MOCS2: variants seen among roughly 807,000 people sequenced by gnomAD.
MOCS2 encodes molybdenum cofactor synthesis 2, also known as molybdopterin synthase catalytic subunit.
MOCS2 carries 13 observed loss-of-function variants against 21.9 expected under a neutral mutation model. The observed-to-expected ratio is 0.59, with a 90% confidence interval of 0.39 to 0.94. The LOEUF (loss-of-function observed/expected upper bound fraction) is 0.94, where lower values mean the gene tolerates loss of function less well. Among genes scored for constraint, MOCS2 ranks in the 40% least tolerant of loss-of-function variants. MOCS2 has a pLI of 0.00. For missense variants in MOCS2, 227 were observed against 218.3 expected (o/e 1.04, Z -0.25); for synonymous variants, 92 against 80.8 (o/e 1.14, Z -0.74).
chr5:53,109,260 C>T lies in MOCS2; in HGVS notation c.-179G>A. 1.0e-6 allele frequency: 1 copy of T among 997,046 alleles called. No individual in the cohort carries two copies. The highest frequency in any genetic ancestry group is 1.2e-6 in the Non-Finnish European group (1 of 837,888). The allele number at this position is 997,046 out of a possible 1,614,324, so 61.8% of individuals were successfully genotyped here. On this transcript the variant is annotated 5_prime_UTR_variant, in exon 1 of 7. Coordinates refer to ENST00000396954, the MANE Select transcript of MOCS2 (RefSeq NM_004531.5). ...GAAGTAAAATAGGCACCTGTCACTC[C>T]GTGCAAACAACTCTTTACGAAATAA...
At position 53,096,054 on chromosome 5, in the gene MOCS2, CTAAG is replaced by C. The variant is rs1477385864; in HGVS notation, c.*2544_*2547del. On this transcript the variant is annotated 3_prime_UTR_variant, in exon 7 of 7. Transcript: ENST00000396954. Reference sequence around the variant, plus strand: ...CTTTTGGTTCTATGCAAAATTAAATCTAAGTAAGACTCAAGTTGCTAAGAGCAAC... The same window carrying C: ...CTTTTGGTTCTATGCAAAATTAAATCTAAGACTCAAGTTGCTAAGAGCAAC... 6.6e-6 allele frequency: 1 copy of C among 152,284 alleles called. No individual in the cohort carries two copies. Among genetic ancestry groups the C allele is most frequent in the Middle Eastern group, 3.4e-3 (1 of 294 alleles). 9.4% of individuals were successfully genotyped at this position (152,284 alleles called of 1,614,324 possible).
intron 6 of MOCS2, among the ~76,000 whole-genome samples, chr5:53,099,895 A>T (rs942122142): frequency 2.6e-5 from 4 of 152,162 alleles, no homozygotes; most frequent in Non-Finnish European, 5.9e-5. Flanking sequence ...TGCTCTATTT[A>T]ACCAGAGAAT....
chr5:53,108,565 T>G lies in MOCS2; in HGVS notation c.-91A>C, dbSNP rs766571688. 2.5e-6 allele frequency: 4 copies of G among 1,613,778 alleles called. No individual in the cohort carries two copies. Among genetic ancestry groups the G allele is most frequent in the Non-Finnish European group, 2.5e-6 (3 of 1,179,770 alleles). ...ATCTCCTTCCACAGCTGCAACGCTT[T>G]TATTTCTTGAGGCACAGAAATGGTC... is the stretch of plus-strand genomic sequence containing the variant. On this transcript the variant is annotated 5_prime_UTR_variant, in exon 2 of 7. Coordinates refer to ENST00000396954, the MANE Select transcript of MOCS2 (RefSeq NM_004531.5).
chr5:53,106,572 G>A (rs529522716), intron 3 of MOCS2, among the ~76,000 whole-genome samples: 1 of 152,242 alleles, frequency 6.6e-6, no homozygotes, highest in South Asian at 2.1e-4. Flanking sequence ...GGAGGAGGGA[G>A]AAGATTGAAA....
chr5:53,109,700 C>A lies in MOCS2; in HGVS notation c.-619G>T, dbSNP rs757915083. ...CCGCACCCAGGCCCGCACGCACACC[C>A]GCCACCCTTACCTGGCACAGCGGCA... On this transcript the variant is annotated 5_prime_UTR_variant, in exon 1 of 7. Coordinates refer to ENST00000396954, the MANE Select transcript of MOCS2 (RefSeq NM_004531.5). 4.5e-6 allele frequency: 7 copies of A among 1,553,306 alleles called. No individual in the cohort carries two copies. The South Asian group carries it at 8.3e-5, about 18-fold the overall frequency.
At position 53,098,456 on chromosome 5, in the gene MOCS2, T is replaced by G. The variant is rs1445877953; in HGVS notation, c.*146A>C. Reference sequence around the variant, plus strand: ...CCTTCATCCTACATACCCATTTATCTTGCTTCCTTTTTCTCCCTTTTGTCC... The same window carrying G: ...CCTTCATCCTACATACCCATTTATCGTGCTTCCTTTTTCTCCCTTTTGTCC... On this transcript the variant is annotated 3_prime_UTR_variant, in exon 7 of 7. Transcript: ENST00000396954. 36 of 719,260 alleles carry G rather than the reference T, an allele frequency of 5.0e-5. No homozygotes were observed. In the South Asian group the frequency reaches 5.4e-4, roughly 11 times the overall value. 44.6% of individuals were successfully genotyped at this position (719,260 alleles called of 1,614,324 possible).
Position 53,107,210 on chromosome 5 carries a change from A to G in MOCS2, c.-36T>C, listed in dbSNP as rs2233210. On this transcript the variant is annotated 5_prime_UTR_variant, in exon 3 of 7. Coordinates refer to ENST00000396954, the MANE Select transcript of MOCS2 (RefSeq NM_004531.5). ...AACAGCAAATATTATCTGATTTCTAACATCAGCCAATCTAAAGGGGAAAAA... is the reference window on the plus strand; with the variant it reads ...AACAGCAAATATTATCTGATTTCTAGCATCAGCCAATCTAAAGGGGAAAAA... 133 of 1,613,482 alleles carry G rather than the reference A, an allele frequency of 8.2e-5. 2 individuals are homozygous for G. The East Asian group carries it at 2.9e-3, about 35-fold the overall frequency.
chr5:53,108,886 T>C (rs1741124671), intron 1 of MOCS2, among the ~76,000 whole-genome samples: 1 of 152,224 alleles, frequency 6.6e-6, no homozygotes, highest in Admixed American at 6.5e-5. Flanking sequence ...AAGTGTGCCA[T>C]CATTAAAATC....
intron 6 of MOCS2, among the ~76,000 whole-genome samples, chr5:53,099,119 A>G (rs1740836681): frequency 6.6e-6 from 1 of 152,186 alleles, no homozygotes; most frequent in Non-Finnish European, 1.5e-5. Flanking sequence ...AGGAGGGGTA[A>G]GGAGAACATA....
Position 53,109,738 on chromosome 5 carries a change from G to C in MOCS2, c.-657C>G, listed in dbSNP as rs773335153. ...TGGCACAGCGGCACCATCCCGCCTA[G>C]GACAGCGGGACCGAATCACGGCCGC... On this transcript the variant is annotated 5_prime_UTR_variant, in exon 1 of 7. Coordinates refer to ENST00000396954, the MANE Select transcript of MOCS2 (RefSeq NM_004531.5). The C allele has an allele frequency of 1.9e-5, 29 of 1,549,712 alleles. No homozygotes were observed. Among genetic ancestry groups the C allele is most frequent in the Non-Finnish European group, 2.3e-5 (26 of 1,146,798 alleles).
chr5:53,102,764 T>G (rs1003809134), intron 3 of MOCS2, among the ~76,000 whole-genome samples: 3 of 151,968 alleles, frequency 2.0e-5, no homozygotes, highest in Non-Finnish European at 4.4e-5. Context: ...CTGGCCAACA[T>G]GGTGAAACCC....
chr5:53,107,452 C>A (rs974601354), intron 2 of MOCS2: 10 of 506,976 alleles, frequency 2.0e-5, no homozygotes, highest in African/African-American at 1.5e-4. Flanking sequence ...TGTTGTATGC[C>A]TTGGGGAATT....
At position 53,109,257 on chromosome 5, in the gene MOCS2, C is replaced by G. The variant is rs1741136583; in HGVS notation, c.-176G>C. On this transcript the variant is annotated 5_prime_UTR_variant, in exon 1 of 7. Transcript: ENST00000396954. ...GACGAAGTAAAATAGGCACCTGTCA[C>G]TCCGTGCAAACAACTCTTTACGAAA... 25 of 996,746 alleles carry G rather than the reference C, an allele frequency of 2.5e-5. No individual in the cohort carries two copies. Among genetic ancestry groups the G allele is most frequent in the Non-Finnish European group, 2.9e-5 (24 of 837,706 alleles). 61.7% of individuals were successfully genotyped at this position (996,746 alleles called of 1,614,324 possible).
Position 53,109,618 on chromosome 5 carries a change from C to A in MOCS2, c.-537G>T. On this transcript the variant is annotated 5_prime_UTR_variant, in exon 1 of 7. Transcript: ENST00000396954. ...GTTGGGGGCTAGTGGGGAGGTCCGA[C>A]TGACCAAGGCTGGGTATGTGGAGGG... The A allele has an allele frequency of 6.6e-7, 1 of 1,518,734 alleles. No individual in the cohort carries two copies. The allele number at this position is 1,518,734 out of a possible 1,614,324, so 94.1% of individuals were successfully genotyped here.
chr5:53,098,684 T>C lies in MOCS2; in HGVS notation c.502-17A>G, dbSNP rs758435939. 1 of 1,565,134 alleles carries C rather than the reference T, an allele frequency of 6.4e-7. No individual in the cohort carries two copies. Among genetic ancestry groups the C allele is most frequent in the East Asian group, 2.2e-5 (1 of 44,534 alleles). On this transcript the variant is annotated splice_polypyrimidine_tract_variant and intron_variant, in intron 6 of 6. Transcript: ENST00000396954. ...GTATATTTCCTAAAAAACAAAATCA[T>C]AACAGGTATTAAAAATAGACCATTC...
In MOCS2 at chr5:53,109,498, C is replaced by T; in HGVS notation, c.-417G>A. 1.5e-6 allele frequency: 2 copies of T among 1,339,956 alleles called. No individual in the cohort carries two copies. Among genetic ancestry groups the T allele is most frequent in the Non-Finnish European group, 1.9e-6 (2 of 1,049,446 alleles). The allele number at this position is 1,339,956 out of a possible 1,614,324, so 83.0% of individuals were successfully genotyped here. On this transcript the variant is annotated 5_prime_UTR_variant, in exon 1 of 7. Transcript: ENST00000396954. ...AGCTGACAAGAGTTCTCGGAGAGGA[C>T]CCGACTTCTGCTGGGGCAGTCGCAG...
rs1741142191 is a variant in MOCS2, at chr5:53,109,418, A to C, written c.-337T>G. ...CATCAAAACGAATAATCTGGGAAAG[A>C]GGTGGTCATAAAAGGTGGAGGCGCC... On this transcript the variant is annotated 5_prime_UTR_variant, in exon 1 of 7. Coordinates refer to ENST00000396954, the MANE Select transcript of MOCS2 (RefSeq NM_004531.5). 36 of 1,245,056 alleles carry C rather than the reference A, an allele frequency of 2.9e-5. No individual in the cohort carries two copies. The highest frequency in any genetic ancestry group is 3.9e-5 in the Admixed American group (1 of 25,440). 77.1% of individuals were successfully genotyped at this position (1,245,056 alleles called of 1,614,324 possible).
rs1327159322 is a variant in MOCS2, at chr5:53,109,452, G to C, written c.-371C>G. 1.6e-6 allele frequency: 2 copies of C among 1,273,806 alleles called. No individual in the cohort carries two copies. Among genetic ancestry groups the C allele is most frequent in the South Asian group, 2.9e-5 (1 of 34,474 alleles). The allele number at this position is 1,273,806 out of a possible 1,614,324, so 78.9% of individuals were successfully genotyped here. A position where few individuals can be genotyped will look rare whatever the true frequency, so the allele number is the denominator to read the frequency against. On this transcript the variant is annotated 5_prime_UTR_variant, in exon 1 of 7. Transcript: ENST00000396954. ...TAAAAGGTGGAGGCGCCTTCAGAAC[G>C]AGTCCGTCCTTGCTGCCGTGAGCTG...
At chr5:53,098,808 T>C in intron 6 of MOCS2, 141 bp from the exon 7 acceptor site, 3 of 703,540 alleles carry the variant, frequency 4.3e-6, no homozygotes, top group Non-Finnish European at 7.5e-6. Context: ...AGAGACATCA[T>C]GGGCAAGGTT....
Sources: gnomAD v4.1 joint callset for allele counts (sites outside exome capture counted in the v4.1 genomes callset) on GRCh38, gnomAD v4.1.1 for gene constraint, MANE v1.5 for transcripts, NCBI Gene and HGNC (gene_info 2026-07-23, HGNC 2026-07-21) for gene names.